CLDN16: variants seen among roughly 807,000 people sequenced by gnomAD.
CLDN16 encodes claudin 16.
A neutral mutation model predicts 24.6 loss-of-function variants in CLDN16; 13 were observed. The observed-to-expected ratio is 0.53, with a 90% CI of 0.34 to 0.84. The LOEUF is 0.84. Ranked by LOEUF, CLDN16 falls within the 40% of genes least tolerant of loss-of-function variation. The probability of loss-of-function intolerance (pLI) is 0.01; values close to 1 mark genes in which losing one functional copy is unlikely to be tolerated. For missense variants in CLDN16, 298 were observed against 292.7 expected (o/e 1.02, Z -0.13); for synonymous variants, 116 against 106.7 (o/e 1.09, Z -0.54).
intron 3 of CLDN16, among the ~76,000 whole-genome samples, chr3:190,379,415 C>T (rs961548531): frequency 1.3e-5 from 2 of 152,088 alleles, no homozygotes; most frequent in Admixed American, 6.6e-5. Flanking sequence ...ATACCCTCCC[C>T]CAACTAGAAT....
intron 1 of CLDN16, among the ~76,000 whole-genome samples, chr3:190,336,527 G>T (rs1336134901): frequency 2.0e-5 from 3 of 152,204 alleles, no homozygotes; most frequent in Admixed American, 6.5e-5. Context: ...TTTAGCAAGT[G>T]CTGTGGAAAG....
intron 1 of CLDN16, among the ~76,000 whole-genome samples, chr3:190,348,032 A>G (rs1286089894): frequency 6.6e-6 from 1 of 150,448 alleles, no homozygotes; most frequent in African/African-American, 2.5e-5. Flanking sequence ...TCACGAGGTC[A>G]GGAGATTGTG....
intron 1 of CLDN16, among the ~76,000 whole-genome samples, chr3:190,365,820 G>C (rs1295484612): frequency 6.6e-6 from 1 of 151,666 alleles, no homozygotes; most frequent in Admixed American, 6.6e-5. Flanking sequence ...AGCCGACCCA[G>C]TTCTTTTCAG....
upstream of CLDN16, chr3:190,387,995 C>A: frequency 1.1e-6 from 1 of 880,042 alleles, no homozygotes; most frequent in Non-Finnish European, 1.8e-6. Flanking sequence ...GGCACTTGGT[C>A]TGGTGACCAC....
At chr3:190,296,712 G>C in the CLDN16 span, among the ~76,000 whole-genome samples, 5 of 152,094 alleles carry the variant, frequency 3.3e-5, no homozygotes, top group South Asian at 8.3e-4. Context: ...ACCACGCCCG[G>C]CTAATTTTTT....
At position 190,346,386 on chromosome 3, in the gene CLDN16, A is replaced by T. The variant is rs566707246; in HGVS notation, n.121+23725A>T. Among the ~76,000 whole-genome samples, 3 of 152,320 alleles carry T rather than the reference A, an allele frequency of 2.0e-5. No individual in the cohort carries two copies. The South Asian group carries it at 6.2e-4, about 32-fold the overall frequency. Reference sequence around the variant, plus strand: ...GGTCTCTATTCTATGAACAATAAAAATCCTCCGGCAATTTTAAGCAGGATA... The same window carrying T: ...GGTCTCTATTCTATGAACAATAAAATTCCTCCGGCAATTTTAAGCAGGATA... On this transcript the variant is annotated intron_variant and non_coding_transcript_variant, in intron 1 of 4. Coordinates refer to the CLDN16 transcript ENST00000468220.
chr3:190,321,487 A>G (rs1183731982), upstream of CLDN16, among the ~76,000 whole-genome samples: 1 of 152,254 alleles, frequency 6.6e-6, no homozygotes, highest in East Asian at 1.9e-4. Context: ...GTAGGAATGT[A>G]ACTTTTACTA....
chr3:190,313,365 G>A, the CLDN16 span: 53 of 303,286 alleles, frequency 1.7e-4, no homozygotes, highest in Non-Finnish European at 2.5e-4. Flanking sequence ...TTTTACTAAG[G>A]GATTTTCATC....
the CLDN16 span, among the ~76,000 whole-genome samples, chr3:190,313,539 T>C: frequency 6.6e-6 from 1 of 152,166 alleles, no homozygotes; most frequent in African/African-American, 2.4e-5. Flanking sequence ...AGATAAAAAA[T>C]AAATGTTTTA....
At chr3:190,294,973 C>A in the CLDN16 span, among the ~76,000 whole-genome samples, 2 of 152,012 alleles carry the variant, frequency 1.3e-5, no homozygotes, top group Admixed American at 1.3e-4. Context: ...TTATTTTAAT[C>A]ATGTTCTAAC....
chr3:190,373,146 G>A (rs952647904), intron 2 of CLDN16, among the ~76,000 whole-genome samples: 7 of 151,954 alleles, frequency 4.6e-5, no homozygotes, highest in Non-Finnish European at 7.4e-5. Context: ...TAACAGCTGA[G>A]AAGTCCCTTC....
At chr3:190,384,694 A>G (rs1718454207), upstream of CLDN16, among the ~76,000 whole-genome samples, 1 of 152,122 alleles carries the variant, frequency 6.6e-6, no homozygotes, top group Non-Finnish European at 1.5e-5. Flanking sequence ...TCAGAAGGGG[A>G]AAGTCCAATA....
chr3:190,384,159 C>G (rs1718431931), upstream of CLDN16, among the ~76,000 whole-genome samples: 1 of 151,942 alleles, frequency 6.6e-6, no homozygotes, highest in African/African-American at 2.4e-5. Flanking sequence ...AGAACAGCAA[C>G]TGATTTTATT....
intron 3 of CLDN16, among the ~76,000 whole-genome samples, chr3:190,377,473 A>C (rs1718270724): frequency 6.6e-6 from 1 of 151,946 alleles, no homozygotes; most frequent in South Asian, 2.1e-4. Flanking sequence ...CTCTGCAAAT[A>C]AGTTTAGTTG....
At chr3:190,344,359 A>G (rs549492006) in intron 1 of CLDN16, among the ~76,000 whole-genome samples, 315 of 152,074 alleles carry the variant, frequency 2.1e-3, no homozygotes, top group Non-Finnish European at 2.7e-3. Flanking sequence ...TACTGGTATT[A>G]AAAGTACTAC....
At chr3:190,388,508 C>A in intron 1 of CLDN16, 65 bp downstream of exon 1, 3 of 1,293,198 alleles carry the variant, frequency 2.3e-6, no homozygotes, top group Non-Finnish European at 3.4e-6. Context: ...GTCCCAACTG[C>A]CATGTACAAC....
chr3:190,322,344 G>A, upstream of CLDN16: 1 of 792,226 alleles, frequency 1.3e-6, no homozygotes, highest in South Asian at 1.5e-5. Flanking sequence ...TCGCTGCGCC[G>A]CCGCTGGAGA....
At chr3:190,389,056 G>A (rs1718583536) in intron 1 of CLDN16, among the ~76,000 whole-genome samples, 1 of 152,208 alleles carries the variant, frequency 6.6e-6, no homozygotes, top group Non-Finnish European at 1.5e-5. Context: ...CTTAAAATGA[G>A]TTGCTCTAGG....
At chr3:190,354,667 T>G (rs1041934182) in intron 1 of CLDN16, among the ~76,000 whole-genome samples, 6 of 151,966 alleles carry the variant, frequency 3.9e-5, no homozygotes, top group African/African-American at 1.4e-4. Flanking sequence ...TTATGGGGAA[T>G]GTTTCACAAG....
Sources: allele counts gnomAD v4.1 joint callset (sites outside exome capture counted in the v4.1 genomes callset), GRCh38; gene constraint gnomAD v4.1.1; transcripts MANE v1.5; gene names NCBI Gene and HGNC (gene_info 2026-07-23, HGNC 2026-07-21).